INTS14: variants seen among roughly 807,000 people sequenced by gnomAD.
INTS14 encodes UPF0464 protein C15orf44.
Under a neutral mutation model 56.9 loss-of-function variants are expected in INTS14, and 27 were observed. That is an observed-to-expected ratio of 0.47 (90% CI 0.35 to 0.65). The LOEUF is 0.65. Ranked by LOEUF, INTS14 falls within the 30% of genes least tolerant of loss-of-function variation. The pLI, the probability that INTS14 is intolerant of heterozygous loss-of-function variation, is 0.00. For synonymous variants in INTS14, 207 were observed against 236.2 expected, an observed-to-expected ratio of 0.88 and a Z score of 1.13; for missense variants, 517 against 632.2, an observed-to-expected ratio of 0.82 and a Z score of 1.95.
At chr15:65,589,542 A>G (rs1292531576) in intron 9 of INTS14, among the ~76,000 whole-genome samples, 4 of 152,274 alleles carry the variant, frequency 2.6e-5, no homozygotes, top group African/African-American at 9.6e-5. Context: ...TATTGTGAGC[A>G]ATATTCAGGC....
intron 10 of INTS14, among the ~76,000 whole-genome samples, chr15:65,583,253 G>A (rs746390386): frequency 3.3e-5 from 5 of 152,116 alleles, no homozygotes; most frequent in Non-Finnish European, 5.9e-5. Flanking sequence ...GTTTGTAACA[G>A]CATTATCCAC....
intron 10 of INTS14, among the ~76,000 whole-genome samples, chr15:65,583,300 G>C (rs2072695882): frequency 6.6e-6 from 1 of 152,224 alleles, no homozygotes; most frequent in East Asian, 1.9e-4. Context: ...CGTCAACTGA[G>C]GGATAATCAA....
At chr15:65,590,576 C>G (rs2072989089) in intron 9 of INTS14, among the ~76,000 whole-genome samples, 1 of 152,180 alleles carries the variant, frequency 6.6e-6, no homozygotes, top group African/African-American at 2.4e-5. Flanking sequence ...CCTTCATTAG[C>G]TCAGCAAGTT....
In INTS14 at chr15:65,579,636, G is replaced by T; in HGVS notation, c.1329C>A (p.Ala443=). The T allele has an allele frequency of 6.2e-7, 1 of 1,613,766 alleles. No individual in the cohort carries two copies. Among genetic ancestry groups the T allele is most frequent in the Non-Finnish European group, 8.5e-7 (1 of 1,179,718 alleles). ...GGTCCAGGAAACCAAAGGCTAGAGC[G>T]GCCTTTCGCAAACGGTTCAGCTCCT... ...FYKELNRLRK[A]ALAFGFLDLL... is the part of the protein sequence containing the mutation. Residue 443 remains alanine (A), a synonymous_variant, in exon 12 of 12, where the codon GCC becomes GCA. Transcript: ENST00000313182.
At chr15:65,604,411 T>C (rs1384301536) in intron 3 of INTS14, among the ~76,000 whole-genome samples, 1 of 152,108 alleles carries the variant, frequency 6.6e-6, no homozygotes, top group Non-Finnish European at 1.5e-5. Flanking sequence ...CCTCACTTTT[T>C]AGACAACTCA....
intron 1 of INTS14, 128 bp from the exon 2 acceptor site, chr15:65,607,570 A>G: frequency 9.2e-7 from 1 of 1,085,492 alleles, no homozygotes; most frequent in Non-Finnish European, 1.3e-6. Flanking sequence ...AATAATCTGT[A>G]GAGAACTCAG....
At chr15:65,610,934 G>C (rs780229175) in intron 1 of INTS14, 164 bp downstream of exon 1, 291 of 1,465,992 alleles carry the variant, frequency 2.0e-4, no homozygotes, top group Admixed American at 3.6e-4. Context: ...GGGAGGCCGG[G>C]AGCAGCGCCC....
chr15:65,598,950 A>G lies in INTS14; in HGVS notation c.527T>C (p.Ile176Thr), dbSNP rs2073323018. The G allele has an allele frequency of 6.2e-7, 1 of 1,613,882 alleles. No homozygotes were observed. Among genetic ancestry groups the G allele is most frequent in the African/African-American group, 1.3e-5 (1 of 74,912 alleles). ...TDSLECLERL[I>T]DLNNGEGQIF... ...CTGCCCTTCACCATTGTTTAAATCT[A>G]TGAGACGTTCAAGGCATTCCAAGGA... Residue 176 changes from isoleucine to threonine, a missense_variant, in exon 5 of 12, where the codon ATA (isoleucine) becomes ACA (threonine). Coordinates refer to ENST00000313182, the MANE Select transcript of INTS14 (RefSeq NM_001394796.1).
intron 9 of INTS14, 22 bp downstream of exon 9, chr15:65,591,576 T>C (rs2073031324): frequency 3.7e-6 from 6 of 1,609,630 alleles, no homozygotes; most frequent in Non-Finnish European, 5.1e-6. Context: ...TCAGGATAAG[T>C]AAAATCTGAT....
At chr15:65,604,388 T>C (rs1218499208) in intron 3 of INTS14, among the ~76,000 whole-genome samples, 1 of 152,132 alleles carries the variant, frequency 6.6e-6, no homozygotes. Context: ...GGCTAGATTT[T>C]ATGTTTTATA....
At chr15:65,595,868 A>G (rs2073193253) in intron 6 of INTS14, 43 bp from the exon 7 acceptor site, 6 of 1,465,292 alleles carry the variant, frequency 4.1e-6, no homozygotes, top group East Asian at 2.3e-5. Flanking sequence ...ATTCTATGGA[A>G]AAGTACATTA....
rs977177826 is a variant in INTS14, at chr15:65,588,117, C to T, written c.1121-3229G>A. Among the ~76,000 whole-genome samples the T allele has an allele frequency of 9.9e-5, 15 of 151,242 alleles. No homozygotes were observed. In the East Asian group the frequency reaches 1.2e-3, roughly 12 times the overall value. On this transcript the variant is annotated intron_variant, in intron 9 of 11. Coordinates refer to ENST00000313182, the MANE Select transcript of INTS14 (RefSeq NM_001394796.1). ...CAGCCTGGCCAACATGGTGAAACCC[C>T]GTACCTACTAAAAATACAAAAATCA...
chr15:65,582,694 AGACAAAATTT>A (rs1038595531), intron 10 of INTS14, among the ~76,000 whole-genome samples: 4 of 152,242 alleles, frequency 2.6e-5, no homozygotes, highest in African/African-American at 9.6e-5. Context: ...CAAAAGCAAG[AGACAAAATTT>A]GACTTCTTCA....
At chr15:65,583,485 T>A (rs1031034149) in intron 10 of INTS14, among the ~76,000 whole-genome samples, 10 of 152,126 alleles carry the variant, frequency 6.6e-5, no homozygotes, top group Non-Finnish European at 1.5e-5. Context: ...AATAGGTAAG[T>A]CCATAGAGAC....
intron 7 of INTS14, among the ~76,000 whole-genome samples, chr15:65,594,930 A>G (rs1208273507): frequency 6.6e-6 from 1 of 152,162 alleles, no homozygotes; most frequent in Non-Finnish European, 1.5e-5. Context: ...AGAATATCCA[A>G]TACTCCAACT....
At chr15:65,601,621 G>A (rs543559379) in intron 3 of INTS14, among the ~76,000 whole-genome samples, 5 of 152,228 alleles carry the variant, frequency 3.3e-5, no homozygotes, top group East Asian at 1.9e-4. Context: ...GATTACAGGC[G>A]TGAGCCACCG....
intron 7 of INTS14, among the ~76,000 whole-genome samples, chr15:65,594,112 A>C (rs976384830): frequency 2.1e-4 from 32 of 152,178 alleles, no homozygotes; most frequent in Non-Finnish European, 1.0e-4. Context: ...AGATACAGAG[A>C]TGTCAAGTGC....
chr15:65,594,689 A>G (rs751225071), intron 7 of INTS14, among the ~76,000 whole-genome samples: 8 of 151,186 alleles, frequency 5.3e-5, no homozygotes, highest in South Asian at 2.1e-4. Flanking sequence ...GGTGTGAGCT[A>G]CCGCGCCCGG....
At chr15:65,598,588 A>G in intron 5 of INTS14, 125 bp from the exon 6 acceptor site, 1 of 1,037,774 alleles carries the variant, frequency 9.6e-7, no homozygotes, top group Non-Finnish European at 1.4e-6. Context: ...CATCTGTAAA[A>G]CAGAACAAAA....
Sources: allele counts gnomAD v4.1 joint callset (sites outside exome capture counted in the v4.1 genomes callset), GRCh38; gene constraint gnomAD v4.1.1; transcripts MANE v1.5; gene names NCBI Gene and HGNC (gene_info 2026-07-23, HGNC 2026-07-21).